The following OR4C12 variants were observed in gnomAD, a reference collection of about 807,000 sequenced individuals.
The protein encoded by OR4C12 is olfactory receptor family 4 subfamily C member 12, also known as olfactory receptor 4C12.
OR4C12 carries 11 observed loss-of-function variants against 12.3 expected under a neutral mutation model. The observed-to-expected ratio is 0.89, with a 90% confidence interval of 0.56 to 1.48. OR4C12 has a LOEUF of 1.48. OR4C12 is among the 40% of genes most tolerant of loss of function. The pLI is 0.00. For synonymous variants in OR4C12, 138 were observed against 133.2 expected, an observed-to-expected ratio of 1.04 and a Z score of -0.25; for missense variants, 414 against 365.8, an observed-to-expected ratio of 1.13 and a Z score of -1.08.
In OR4C12 at chr11:49,981,823, T is replaced by C. The variant is rs782434458; in HGVS notation, c.679A>G (p.Ser227Gly). ...VIILRSLKNN[S>G]LEGRCKALST... is the part of the protein sequence containing the mutation. ...AGGGCTTTACACCTCCCCTCCAAGC[T>C]ATTGTTCTTTAAAGATCTCAAGATG... The change falls in exon 1 of 1, where the codon AGC (serine) becomes GGC (glycine). Residue 227 changes from serine to glycine, a missense_variant. Coordinates refer to ENST00000335238, the MANE Select transcript of OR4C12 (RefSeq NM_001005270.4). 2 of 1,613,608 alleles carry C rather than the reference T, an allele frequency of 1.2e-6. No individual in the cohort carries two copies. Among genetic ancestry groups the C allele is most frequent in the Non-Finnish European group, 8.5e-7 (1 of 1,179,824 alleles).
Position 49,981,785 on chromosome 11 carries a change from A to C in OR4C12, c.717T>G (p.Ile239Met). Reference sequence around the variant, plus strand: ...ATAAGACAACTACTATGATGTGAGAAATACAGGTGGAGAGGGCTTTACACC... The same window carrying C: ...ATAAGACAACTACTATGATGTGAGACATACAGGTGGAGAGGGCTTTACACC... ...EGRCKALSTCISHIIVVVLFF... is the reference protein window; with the variant it reads ...EGRCKALSTCMSHIIVVVLFF... Residue 239 changes from isoleucine to methionine, a missense_variant, in exon 1 of 1, where the codon ATT (isoleucine) becomes ATG (methionine). Transcript: ENST00000335238. The C allele has an allele frequency of 6.2e-7, 1 of 1,613,884 alleles. No individual in the cohort carries two copies. Among genetic ancestry groups the C allele is most frequent in the East Asian group, 2.2e-5 (1 of 44,878 alleles).
In OR4C12 at chr11:49,981,925, G is replaced by C; in HGVS notation, c.577C>G (p.Leu193Val). ...LKLVCIDTHT[L>V]GLFVAVNSGF... is the part of the protein sequence containing the mutation. Reference sequence around the variant, plus strand: ...CTGTTCACAGCAACAAAGAGACCAAGGGTATGAGTGTCTATGCAAACAAGT... The same window carrying C: ...CTGTTCACAGCAACAAAGAGACCAACGGTATGAGTGTCTATGCAAACAAGT... The change falls in exon 1 of 1, where the codon CTT becomes GTT. Residue 193 changes from leucine to valine, a missense_variant. Coordinates refer to ENST00000335238, the MANE Select transcript of OR4C12 (RefSeq NM_001005270.4). 6.2e-7 allele frequency: 1 copy of C among 1,613,992 alleles called. No individual in the cohort carries two copies. The highest frequency in any genetic ancestry group is 1.1e-5 in the South Asian group (1 of 91,064).
chr11:49,981,575 A>T lies in OR4C12; in HGVS notation c.927T>A (p.Asp309Glu), dbSNP rs188640823. ...GTTGAGTGCTCAATGGTCTTATTTA[A>T]TCATTATCTGAAGTCACTTTTTTTC... ...LWRKKVTSDN[D>E] The change falls in exon 1 of 1, where the codon GAT (aspartate) becomes GAA (glutamate). Residue 309 changes from aspartate to glutamate, a missense_variant. Coordinates refer to ENST00000335238, the MANE Select transcript of OR4C12 (RefSeq NM_001005270.4). 16 of 1,588,236 alleles carry T rather than the reference A, an allele frequency of 1.0e-5. No homozygotes were observed. Among genetic ancestry groups the T allele is most frequent in the East Asian group, 2.2e-5 (1 of 44,738 alleles).
chr11:49,982,448 G>T lies in OR4C12; in HGVS notation c.54C>A (p.Asn18Lys), dbSNP rs782313734. 6.2e-7 allele frequency: 1 copy of T among 1,613,174 alleles called. No homozygotes were observed. Among genetic ancestry groups the T allele is most frequent in the Non-Finnish European group, 8.5e-7 (1 of 1,179,264 alleles). ...TEFILIGLTQ[N>K]PIMEKVTFVV... The stretch of plus-strand genomic sequence containing the variant: ...CAAACGTGACTTTCTCCATTATGGG[G>T]TTCTGTGTAAGACCTATTAAAATGA... The change falls in exon 1 of 1, where the codon AAC becomes AAA. Residue 18 changes from asparagine (N) to lysine (K), a missense_variant. By Grantham distance (94) the Asn-to-Lys change is moderately conservative. Transcript: ENST00000335238.
chr11:49,981,922 C>A lies in OR4C12; in HGVS notation c.580G>T (p.Gly194Cys). 1 of 1,613,760 alleles carries A rather than the reference C, an allele frequency of 6.2e-7. No homozygotes were observed. The highest frequency in any genetic ancestry group is 8.5e-7 in the Non-Finnish European group (1 of 1,179,884). Residue 194 changes from glycine (G) to cysteine (C), a missense_variant, in exon 1 of 1, where the codon GGT (glycine) becomes TGT (cysteine). Transcript: ENST00000335238. ...KLVCIDTHTL[G>C]LFVAVNSGFI... ...CCACTGTTCACAGCAACAAAGAGAC[C>A]AAGGGTATGAGTGTCTATGCAAACA...
rs763136526 is a variant in OR4C12 at position 49,982,027 on chromosome 11, G to T, written c.475C>A (p.Leu159Ile). 6.2e-7 allele frequency: 1 copy of T among 1,614,146 alleles called. No homozygotes were observed. Among genetic ancestry groups the T allele is most frequent in the Non-Finnish European group, 8.5e-7 (1 of 1,179,980 alleles). Residue 159 changes from leucine (L) to isoleucine (I), a missense_variant, in exon 1 of 1, where the codon CTC (leucine) becomes ATC (isoleucine). By Grantham distance (5) the Leu-to-Ile change is conservative (BLOSUM62 2). Coordinates refer to ENST00000335238, the MANE Select transcript of OR4C12 (RefSeq NM_001005270.4). ...GGFLHATIQI[L>I]FTVWLPFCGP... Reference sequence around the variant, plus strand: ...CAGAAGGGCAGCCATACTGTAAAGAGAATCTGAATAGTTGCATGAAGAAAT... The same window carrying T: ...CAGAAGGGCAGCCATACTGTAAAGATAATCTGAATAGTTGCATGAAGAAAT...
In OR4C12 at chr11:49,981,577, C is replaced by G; in HGVS notation, c.925G>C (p.Asp309His). ...LWRKKVTSDN[D>H] The stretch of plus-strand genomic sequence containing the variant: ...TGAGTGCTCAATGGTCTTATTTAAT[C>G]ATTATCTGAAGTCACTTTTTTTCTC... The change falls in exon 1 of 1, where the codon GAT (aspartate) becomes CAT (histidine). Residue 309 changes from aspartate to histidine, a missense_variant. Physicochemically the swap from Asp to His is moderately conservative, Grantham distance 81. Transcript: ENST00000335238. 1 of 1,592,728 alleles carries G rather than the reference C, an allele frequency of 6.3e-7. No individual in the cohort carries two copies. The highest frequency in any genetic ancestry group is 8.6e-7 in the Non-Finnish European group (1 of 1,162,566).
In OR4C12 at chr11:49,981,746, A is replaced by G. The variant is rs782274266; in HGVS notation, c.756T>C (p.Cys252=). Residue 252 remains cysteine, a synonymous_variant, in exon 1 of 1, where the codon TGT becomes TGC. Transcript: ENST00000335238. The part of the protein sequence containing the change: ...IIVVVLFFVP[C]IFVYLRSVTT... ...TCACTGAGCGCAGATACACAAATATACAGGGCACAAAGAATAAGACAACTA... is the reference window on the plus strand; with the variant it reads ...TCACTGAGCGCAGATACACAAATATGCAGGGCACAAAGAATAAGACAACTA... 3 of 1,614,046 alleles carry G rather than the reference A, an allele frequency of 1.9e-6. No individual in the cohort carries two copies. The highest frequency in any genetic ancestry group is 2.5e-6 in the Non-Finnish European group (3 of 1,179,982).
At position 49,981,854 on chromosome 11, in the gene OR4C12, A is replaced by G. The variant is rs1555020123; in HGVS notation, c.648T>C (p.Tyr216=). The change falls in exon 1 of 1, where the codon TAT becomes TAC. Residue 216 remains tyrosine (Y), a synonymous_variant. Coordinates refer to ENST00000335238, the MANE Select transcript of OR4C12 (RefSeq NM_001005270.4). ...TCTTTAAAGATCTCAAGATGATCAC[A>G]TAGGATACCACCAAGATAAGGAAGT... ...LLNFLILVVS[Y]VIILRSLKNN... 1 of 1,614,118 alleles carries G rather than the reference A, an allele frequency of 6.2e-7. No homozygotes were observed. Among genetic ancestry groups the G allele is most frequent in the South Asian group, 1.1e-5 (1 of 91,080 alleles).
In OR4C12 at chr11:49,981,776, G is replaced by A; in HGVS notation, c.726C>T (p.Ile242=). Residue 242 remains isoleucine, a synonymous_variant, in exon 1 of 1, where the codon ATC becomes ATT. Coordinates refer to ENST00000335238, the MANE Select transcript of OR4C12 (RefSeq NM_001005270.4). ...GCACAAAGAATAAGACAACTACTAT[G>A]ATGTGAGAAATACAGGTGGAGAGGG... The part of the protein sequence containing the change: ...CKALSTCISH[I]IVVVLFFVPC... 1.9e-6 allele frequency: 3 copies of A among 1,613,734 alleles called. No homozygotes were observed. The highest frequency in any genetic ancestry group is 2.5e-6 in the Non-Finnish European group (3 of 1,179,760).
rs1854157032 is a variant in OR4C12, at chr11:49,982,317, G to C, written c.185C>G (p.Thr62Ser). The C allele has an allele frequency of 6.2e-7, 1 of 1,614,022 alleles. No individual in the cohort carries two copies. Among genetic ancestry groups the C allele is most frequent in the Non-Finnish European group, 8.5e-7 (1 of 1,179,932 alleles). The change falls in exon 1 of 1, where the codon ACC becomes AGC. Residue 62 changes from threonine (T) to serine (S), a missense_variant. Physicochemically the swap from Thr to Ser is moderately conservative, Grantham distance 58. Transcript: ENST00000335238. ...ALSSPMYFFL[T>S]HLSLIDTVYS... ...AACTGTGTCTATCAAAGAAAGGTGG[G>C]TCAGGAAGAAGTACATGGGGGAGCT... is the stretch of plus-strand genomic sequence containing the variant.
rs782352365 is a variant in OR4C12 at position 49,982,332 on chromosome 11, A to G, written c.170T>C (p.Met57Thr). Residue 57 changes from methionine (M) to threonine (T), a missense_variant, in exon 1 of 1, where the codon ATG becomes ACG. By Grantham distance (81) the Met-to-Thr change is moderately conservative. Transcript: ENST00000335238. The part of the protein sequence containing the change: ...ITTSQALSSP[M>T]YFFLTHLSLI... ...AGAAAGGTGGGTCAGGAAGAAGTAC[A>G]TGGGGGAGCTCAGAGCCTGGCTGGT... The G allele has an allele frequency of 5.6e-6, 9 of 1,614,016 alleles. No individual in the cohort carries two copies. Among genetic ancestry groups the G allele is most frequent in the East Asian group, 4.5e-5 (2 of 44,890 alleles).
rs781818823 is a variant in OR4C12, at chr11:49,981,871, T to C, written c.631A>G (p.Ile211Val). Residue 211 changes from isoleucine (I) to valine (V), a missense_variant, in exon 1 of 1, where the codon ATC becomes GTC. Coordinates refer to ENST00000335238, the MANE Select transcript of OR4C12 (RefSeq NM_001005270.4). ...SGFICLLNFL[I>V]LVVSYVIILR... ...ATGATCACATAGGATACCACCAAGA[T>C]AAGGAAGTTTAATAAGCAGATAAAC... 6.2e-7 allele frequency: 1 copy of C among 1,613,762 alleles called. No homozygotes were observed. Among genetic ancestry groups the C allele is most frequent in the Non-Finnish European group, 8.5e-7 (1 of 1,179,886 alleles).
chr11:49,982,001 A>G lies in OR4C12; in HGVS notation c.501T>C (p.Cys167=). 1 of 1,614,188 alleles carries G rather than the reference A, an allele frequency of 6.2e-7. No homozygotes were observed. The highest frequency in any genetic ancestry group is 1.7e-4 in the Middle Eastern group (1 of 6,060). Residue 167 remains cysteine (C), a synonymous_variant, in exon 1 of 1, where the codon TGT becomes TGC. Coordinates refer to ENST00000335238, the MANE Select transcript of OR4C12 (RefSeq NM_001005270.4). The part of the protein sequence containing the change: ...QILFTVWLPF[C]GPNVIGHFMC... ...TGAAGTGGCCTATGACATTGGGGCC[A>G]CAGAAGGGCAGCCATACTGTAAAGA...
At position 49,981,962 on chromosome 11, in the gene OR4C12, G is replaced by C. The variant is rs1555020193; in HGVS notation, c.540C>G (p.Tyr180Ter). The C allele has an allele frequency of 6.2e-7, 1 of 1,614,052 alleles. No individual in the cohort carries two copies. Among genetic ancestry groups the C allele is most frequent in the Non-Finnish European group, 8.5e-7 (1 of 1,179,996 alleles). ...NVIGHFMCDL[Y>*]PLLKLVCIDT... ...CTATGCAAACAAGTTTTAACAATGG[G>C]TACAAGTCACACATGAAGTGGCCTA... Residue 180 changes from tyrosine (Y) to a stop codon, truncating the protein, a stop_gained, in exon 1 of 1, where the codon TAC becomes TAG. Transcript: ENST00000335238. LOFTEE classifies it high-confidence loss of function.
rs554537041 is a variant in OR4C12, at chr11:49,981,607, G to A, written c.895C>T (p.Leu299Phe). The A allele has an allele frequency of 6.2e-7, 1 of 1,610,136 alleles. No homozygotes were observed. The highest frequency in any genetic ancestry group is 8.5e-7 in the Non-Finnish European group (1 of 1,178,394). ...NAEVKSAIRK[L>F]WRKKVTSDND ...TCTGAAGTCACTTTTTTTCTCCAAA[G>A]CTTCCTTATTGCACTTTTTACCTCA... is the stretch of plus-strand genomic sequence containing the variant. The change falls in exon 1 of 1, where the codon CTT becomes TTT. Residue 299 changes from leucine to phenylalanine, a missense_variant. Coordinates refer to ENST00000335238, the MANE Select transcript of OR4C12 (RefSeq NM_001005270.4).
rs781922729 is a variant in OR4C12 at position 49,981,844 on chromosome 11, A to G, written c.658T>C (p.Leu220=). ...LILVVSYVII[L]RSLKNNSLEG... ...AAGCTATTGTTCTTTAAAGATCTCA[A>G]GATGATCACATAGGATACCACCAAG... The change falls in exon 1 of 1, where the codon TTG becomes CTG. Residue 220 remains leucine (L), a synonymous_variant. Transcript: ENST00000335238. 111 of 1,613,968 alleles carry G rather than the reference A, an allele frequency of 6.9e-5. No individual in the cohort carries two copies. The highest frequency in any genetic ancestry group is 1.7e-4 in the Admixed American group (10 of 59,988).
rs1317765080 is a variant in OR4C12, at chr11:49,981,983, G to T, written c.519C>A (p.Gly173=). 9.9e-6 allele frequency: 16 copies of T among 1,614,140 alleles called. No individual in the cohort carries two copies. The highest frequency in any genetic ancestry group is 1.3e-5 in the Non-Finnish European group (15 of 1,180,000). ...WLPFCGPNVI[G]HFMCDLYPLL... is the part of the protein sequence containing the mutation. ...ATGGGTACAAGTCACACATGAAGTG[G>T]CCTATGACATTGGGGCCACAGAAGG... Residue 173 remains glycine, a synonymous_variant, in exon 1 of 1, where the codon GGC becomes GGA. Transcript: ENST00000335238.
Position 49,982,290 on chromosome 11 carries a change from T to G in OR4C12, c.212A>C (p.Tyr71Ser), listed in dbSNP as rs1854156133. ...LTHLSLIDTV[Y>S]SSSSAPKLIV... ...CAACTTAGGAGCTGAAGAAGAAGAA[T>G]AAACTGTGTCTATCAAAGAAAGGTG... Residue 71 changes from tyrosine to serine, a missense_variant, in exon 1 of 1, where the codon TAT becomes TCT. By Grantham distance (144) the Tyr-to-Ser change is moderately radical. Transcript: ENST00000335238. The G allele has an allele frequency of 6.2e-7, 1 of 1,613,922 alleles. No homozygotes were observed. The highest frequency in any genetic ancestry group is 8.5e-7 in the Non-Finnish European group (1 of 1,179,848).
Sources: allele counts gnomAD v4.1 joint callset, GRCh38; gene constraint gnomAD v4.1.1; transcripts MANE v1.5; gene names NCBI Gene and HGNC (gene_info 2026-07-23, HGNC 2026-07-21).